DLGAP1: variants seen among roughly 807,000 people sequenced by gnomAD.
DLGAP1 encodes disks large-associated protein 1.
Under a neutral mutation model 90.8 loss-of-function variants are expected in DLGAP1, and 11 were observed. The ratio of observed to expected loss-of-function variants is 0.12; its 90% CI spans 0.08 to 0.20. The LOEUF is 0.20. Among genes scored for constraint, DLGAP1 ranks in the 10% least tolerant of loss-of-function variants. The pLI, the probability that DLGAP1 is intolerant of heterozygous loss-of-function variation, is 1.00. For missense variants in DLGAP1, 1,050 were observed against 1,333.8 expected (o/e 0.79, Z 3.31); for synonymous variants, 558 against 540.7 (o/e 1.03, Z -0.44).
At chr18:4,329,974 G>A (rs897997406) in intron 1 of DLGAP1, among the ~76,000 whole-genome samples, 1 of 151,894 alleles carries the variant, frequency 6.6e-6, no homozygotes, top group Non-Finnish European at 1.5e-5. Flanking sequence ...GTGTTTCATA[G>A]AAATCATCAG....
intron 1 of DLGAP1, among the ~76,000 whole-genome samples, chr18:4,420,291 G>C (rs2082999188): frequency 6.6e-6 from 1 of 152,024 alleles, no homozygotes; most frequent in South Asian, 2.1e-4. Flanking sequence ...AATCAGTAAG[G>C]ATATAGAACA....
chr18:4,418,801 A>G (rs1044020983), intron 1 of DLGAP1, among the ~76,000 whole-genome samples: 3 of 152,104 alleles, frequency 2.0e-5, no homozygotes, highest in Non-Finnish European at 4.4e-5. Flanking sequence ...ATTTGAAGAA[A>G]TCATGGCTGT....
At chr18:3,717,224 C>T (rs543652069) in intron 7 of DLGAP1, among the ~76,000 whole-genome samples, 43 of 152,106 alleles carry the variant, frequency 2.8e-4, no homozygotes, top group Middle Eastern at 3.4e-3. Flanking sequence ...TTTATATTCA[C>T]TCTAGAAATG....
intron 1 of DLGAP1, among the ~76,000 whole-genome samples, chr18:4,326,508 T>A (rs1039643657): frequency 6.6e-6 from 1 of 152,162 alleles, no homozygotes; most frequent in Non-Finnish European, 1.5e-5. Flanking sequence ...CCCAAAGGAA[T>A]GTAAACTATT....
At chr18:3,661,720 G>A (rs1043759700) in intron 7 of DLGAP1, among the ~76,000 whole-genome samples, 1 of 151,886 alleles carries the variant, frequency 6.6e-6, no homozygotes, top group African/African-American at 2.4e-5. Context: ...GGGATTACAG[G>A]CGCCTGCCAC....
chr18:3,979,210 C>T (rs992646823), intron 3 of DLGAP1, among the ~76,000 whole-genome samples: 22 of 151,302 alleles, frequency 1.5e-4, no homozygotes, highest in African/African-American at 5.4e-4. Context: ...CAGTGGCAGT[C>T]CCATAAGACT....
chr18:3,790,477 C>T (rs1225635457), intron 5 of DLGAP1, among the ~76,000 whole-genome samples: 1 of 151,808 alleles, frequency 6.6e-6, no homozygotes, highest in African/African-American at 2.4e-5. Context: ...CTATGTTGCC[C>T]AGGCTTGTCT....
chr18:3,580,191 C>T lies in DLGAP1; in HGVS notation c.1965+1684G>A, dbSNP rs867985159. ...TTCAGAAACCCTGATTTGAGCCAGA[C>T]GTCCAAAGTCAAACCTCCGGGTGGA... On this transcript the variant is annotated intron_variant, in intron 8 of 12. Transcript: ENST00000315677. 130 of 1,479,752 alleles carry T rather than the reference C, an allele frequency of 8.8e-5. 1 individual carries two copies. In the Middle Eastern group the frequency reaches 4.8e-3, roughly 55 times the overall value. The allele number at this position is 1,479,752 out of a possible 1,614,324, so 91.7% of individuals were successfully genotyped here. A position where few individuals can be genotyped will look rare whatever the true frequency, so the allele number is the denominator to read the frequency against.
At chr18:3,777,113 G>C (rs2064972807) in intron 5 of DLGAP1, among the ~76,000 whole-genome samples, 1 of 151,970 alleles carries the variant, frequency 6.6e-6, no homozygotes, top group African/African-American at 2.4e-5. Flanking sequence ...TGTGCTTTTT[G>C]GGAAAATTAT....
chr18:3,933,947 G>C (rs1172448972), intron 3 of DLGAP1, among the ~76,000 whole-genome samples: 1 of 152,084 alleles, frequency 6.6e-6, no homozygotes, highest in Non-Finnish European at 1.5e-5. Context: ...CATCAATGAG[G>C]TGCCGAGTCT....
At chr18:3,792,368 C>A (rs1217646646) in intron 5 of DLGAP1, among the ~76,000 whole-genome samples, 1 of 151,980 alleles carries the variant, frequency 6.6e-6, no homozygotes, top group African/African-American at 2.4e-5. Flanking sequence ...TGTAATCCCA[C>A]CTACTTGGGA....
intron 1 of DLGAP1, among the ~76,000 whole-genome samples, chr18:4,218,474 A>G (rs1031453223): frequency 6.6e-6 from 1 of 151,988 alleles, no homozygotes; most frequent in African/African-American, 2.4e-5. Flanking sequence ...TGATGAAAAC[A>G]TTTAAACCTA....
chr18:4,404,304 T>C (rs1453306986), intron 1 of DLGAP1, among the ~76,000 whole-genome samples: 1 of 152,240 alleles, frequency 6.6e-6, no homozygotes, highest in Non-Finnish European at 1.5e-5. Flanking sequence ...CAGTTCTAGC[T>C]GAGTTTGAAA....
intron 7 of DLGAP1, among the ~76,000 whole-genome samples, chr18:3,636,046 TG>T (rs772470516): frequency 2.3e-4 from 35 of 151,530 alleles, no homozygotes; most frequent in Non-Finnish European, 4.4e-4. Context: ...CTTTATCTTC[TG>T]CCTCTTCCTA....
At chr18:3,975,180 G>C (rs2073543971) in intron 3 of DLGAP1, among the ~76,000 whole-genome samples, 1 of 151,900 alleles carries the variant, frequency 6.6e-6, no homozygotes, top group Admixed American at 6.5e-5. Flanking sequence ...ACTTTTATGT[G>C]TTTTTTAATT....
chr18:4,025,141 T>C (rs2149119620), intron 2 of DLGAP1, among the ~76,000 whole-genome samples: 1 of 152,244 alleles, frequency 6.6e-6, no homozygotes, highest in Admixed American at 6.5e-5. Flanking sequence ...AAAGAGTGTG[T>C]GAGGCCTTGA....
chr18:3,796,849 T>A (rs2066014658), intron 5 of DLGAP1, among the ~76,000 whole-genome samples: 1 of 152,244 alleles, frequency 6.6e-6, no homozygotes, highest in Non-Finnish European at 1.5e-5. Context: ...GACCCTTCCA[T>A]GAGCTATTAT....
chr18:4,092,632 G>A (rs79838646), intron 2 of DLGAP1, among the ~76,000 whole-genome samples: 3,608 of 152,158 alleles, frequency 0.024, 107 homozygotes, highest in East Asian at 0.14. Context: ...GGGGCAGCAC[G>A]ATTTGCTGCT....
chr18:3,614,935 T>C (rs1368422708), intron 7 of DLGAP1, among the ~76,000 whole-genome samples: 4 of 152,012 alleles, frequency 2.6e-5, no homozygotes, highest in Non-Finnish European at 4.4e-5. Flanking sequence ...TATTTATTTA[T>C]TTTTGAGATG....
Sources: allele counts gnomAD v4.1 joint callset (sites outside exome capture counted in the v4.1 genomes callset), GRCh38; gene constraint gnomAD v4.1.1; transcripts MANE v1.5; gene names NCBI Gene and HGNC (gene_info 2026-07-23, HGNC 2026-07-21).